Variants in AGBL1 observed in about 807,000 individuals in gnomAD.
The protein encoded by AGBL1 is AGBL carboxypeptidase 1.
Under a neutral mutation model 118.9 loss-of-function variants are expected in AGBL1, and 130 were observed. The ratio of observed to expected loss-of-function variants is 1.09; its 90% confidence interval spans 0.95 to 1.26. The LOEUF (loss-of-function observed/expected upper bound fraction) is 1.26, where lower values mean the gene tolerates loss of function less well. Among genes scored for constraint, AGBL1 ranks in the 50% most tolerant of loss-of-function variants. The pLI is 0.00. For synonymous variants in AGBL1, 555 were observed against 478.9 expected (o/e 1.16, Z -2.08); for missense variants, 1,584 against 1,298.1 (o/e 1.22, Z -3.38).
chr15:86,226,620 G>A (rs933917371), intron 6 of AGBL1, among the ~76,000 whole-genome samples: 2 of 152,156 alleles, frequency 1.3e-5, no homozygotes, highest in Non-Finnish European at 2.9e-5. Context: ...CCTCAGCCCA[G>A]GAAAAACCAA....
downstream of AGBL1, among the ~76,000 whole-genome samples, chr15:87,029,350 T>A (rs1207241541): frequency 6.6e-6 from 1 of 151,892 alleles, no homozygotes; most frequent in Non-Finnish European, 1.5e-5. Flanking sequence ...AATTTAAACA[T>A]AGACCAAAAC....
In AGBL1 at chr15:86,755,104, A is replaced by G. The variant is rs139774655; in HGVS notation, c.3158+80668A>G. On this transcript the variant is annotated intron_variant, in intron 22 of 22. Transcript: ENST00000614907. ...GACCAGATGGAGAAAATATTTCCAC[A>G]ATGTGACGGACTTTCATACTACTTT... Among the ~76,000 whole-genome samples, 936 of 152,176 alleles carry G rather than the reference A, an allele frequency of 6.2e-3. 10 individuals carry two copies. The highest frequency in any genetic ancestry group is 0.021 in the African/African-American group (883 of 41,540).
At chr15:86,503,273 T>G (rs1027804987) in intron 18 of AGBL1, among the ~76,000 whole-genome samples, 5 of 151,550 alleles carry the variant, frequency 3.3e-5, no homozygotes, top group African/African-American at 1.2e-4. Flanking sequence ...CTCAGTAAGG[T>G]CATTAGTAAT....
At chr15:86,737,610 C>G (rs1429897007) in intron 22 of AGBL1, among the ~76,000 whole-genome samples, 1 of 152,056 alleles carries the variant, frequency 6.6e-6, no homozygotes, top group African/African-American at 2.4e-5. Context: ...TTTCCTCCTA[C>G]GTAGGGTATG....
rs2080399204 is a variant in AGBL1, at chr15:86,914,839, A to G, written c.*7545A>G. 1 of 152,168 alleles carries G rather than the reference A, an allele frequency of 6.6e-6. No individual in the cohort carries two copies. The highest frequency in any genetic ancestry group is 2.4e-5 in the African/African-American group (1 of 41,420). The allele number at this position is 152,168 out of a possible 1,614,324, so 9.4% of individuals were successfully genotyped here. On this transcript the variant is annotated 3_prime_UTR_variant, in exon 23 of 23. Coordinates refer to ENST00000614907, the MANE Select transcript of AGBL1 (RefSeq NM_001386094.1). ...TATGGAGCAAGTCTCCATTTCTAGG[A>G]AAGTGTGTTGTTCTTGTAGATCCTT...
At chr15:86,171,983 C>G (rs1156336540) in intron 5 of AGBL1, among the ~76,000 whole-genome samples, 1 of 152,112 alleles carries the variant, frequency 6.6e-6, no homozygotes, top group Non-Finnish European at 1.5e-5. Context: ...AAGTGGGAGC[C>G]AAGCTGTGAG....
At chr15:86,609,143 A>G (rs527437352) in intron 21 of AGBL1, among the ~76,000 whole-genome samples, 7 of 152,304 alleles carry the variant, frequency 4.6e-5, no homozygotes, top group South Asian at 4.1e-4. Flanking sequence ...ACACAAACCC[A>G]GACAGAGAGA....
At chr15:86,406,172 T>A (rs187871663) in intron 18 of AGBL1, among the ~76,000 whole-genome samples, 200 of 152,326 alleles carry the variant, frequency 1.3e-3, no homozygotes, top group African/African-American at 4.7e-3. Flanking sequence ...TCTGGTCTTC[T>A]TAACTGGAAC....
At chr15:86,508,514 G>C (rs770785297) in intron 18 of AGBL1, among the ~76,000 whole-genome samples, 3 of 152,042 alleles carry the variant, frequency 2.0e-5, no homozygotes, top group Non-Finnish European at 4.4e-5. Flanking sequence ...ACTATGAACA[G>C]TTACATAAAC....
intron 20 of AGBL1, among the ~76,000 whole-genome samples, chr15:86,549,863 G>A (rs2083640265): frequency 6.9e-6 from 1 of 144,598 alleles, no homozygotes; most frequent in African/African-American, 2.5e-5. Flanking sequence ...GAGGAGGGGA[G>A]GGGAAGGGTG....
intron 22 of AGBL1, among the ~76,000 whole-genome samples, 176 bp downstream of exon 22, chr15:86,674,612 C>T (rs79806572): frequency 1.3e-5 from 2 of 152,006 alleles, no homozygotes; most frequent in Admixed American, 6.6e-5. Flanking sequence ...GAGGATGCTG[C>T]CTGTTTGTAC....
At chr15:86,414,334 A>G (rs1024398073) in intron 18 of AGBL1, among the ~76,000 whole-genome samples, 1 of 152,204 alleles carries the variant, frequency 6.6e-6, no homozygotes, top group African/African-American at 2.4e-5. Context: ...TATTAAAAAG[A>G]GAGAATGCAA....
intron 22 of AGBL1, among the ~76,000 whole-genome samples, chr15:86,886,104 A>G (rs1466502777): frequency 6.6e-6 from 1 of 152,202 alleles, no homozygotes; most frequent in East Asian, 1.9e-4. Flanking sequence ...TTGGACTTCT[A>G]TCCATCTGTA....
At chr15:86,560,239 C>T (rs369599172) in intron 21 of AGBL1, among the ~76,000 whole-genome samples, 1 of 151,890 alleles carries the variant, frequency 6.6e-6, no homozygotes, top group Non-Finnish European at 1.5e-5. Flanking sequence ...GTGCTACACC[C>T]ATTAACTCGT....
intron 14 of AGBL1, among the ~76,000 whole-genome samples, chr15:86,270,710 G>T (rs959998821): frequency 6.6e-6 from 1 of 152,162 alleles, no homozygotes; most frequent in Non-Finnish European, 1.5e-5. Context: ...AGATTCCTGT[G>T]GGTATGAGAA....
At chr15:86,136,783 G>A (rs994409661) in intron 1 of AGBL1, among the ~76,000 whole-genome samples, 5 of 152,186 alleles carry the variant, frequency 3.3e-5, no homozygotes, top group Non-Finnish European at 5.9e-5. Flanking sequence ...GAGCTGGGAG[G>A]AGGAAGGCAA....
chr15:86,930,584 T>G (rs1490571846), intron 23 of AGBL1, among the ~76,000 whole-genome samples: 1 of 152,118 alleles, frequency 6.6e-6, no homozygotes, highest in African/African-American at 2.4e-5. Flanking sequence ...CCCTTAAAAA[T>G]AAACAATTAT....
chr15:86,522,140 T>A (rs1415199496), intron 18 of AGBL1, among the ~76,000 whole-genome samples: 1 of 152,164 alleles, frequency 6.6e-6, no homozygotes, highest in East Asian at 1.9e-4. Flanking sequence ...ACGAACATCA[T>A]CATTCCCCCA....
At chr15:86,739,887 T>G (rs1193001633) in intron 22 of AGBL1, among the ~76,000 whole-genome samples, 1 of 152,164 alleles carries the variant, frequency 6.6e-6, no homozygotes, top group Non-Finnish European at 1.5e-5. Flanking sequence ...GGTGGCCTAA[T>G]GAATCACTGA....
Sources: allele counts gnomAD v4.1 joint callset (sites outside exome capture counted in the v4.1 genomes callset), GRCh38; gene constraint gnomAD v4.1.1; transcripts MANE v1.5; gene names NCBI Gene and HGNC (gene_info 2026-07-23, HGNC 2026-07-21).